Variants in NEDD4L observed in about 807,000 individuals in gnomAD.
NEDD4L encodes E3 ubiquitin-protein ligase NEDD4-like.
A neutral mutation model predicts 148.9 loss-of-function variants in NEDD4L; 54 were observed. The ratio of observed to expected loss-of-function variants is 0.36; its 90% CI spans 0.29 to 0.45. The LOEUF is 0.45. NEDD4L is among the 20% of genes least tolerant of loss of function. NEDD4L has a pLI of 1.00. For missense variants in NEDD4L, 856 were observed against 1,233.8 expected (o/e 0.69, Z 4.59); for synonymous variants, 433 against 440.7 (o/e 0.98, Z 0.22).
chr18:58,113,854 G>T (rs1371115423), intron 1 of NEDD4L, among the ~76,000 whole-genome samples: 1 of 152,056 alleles, frequency 6.6e-6, no homozygotes, highest in Non-Finnish European at 1.5e-5. Context: ...ATAGATGCAG[G>T]GGGACAAGTT....
At chr18:58,162,801 C>T (rs929862588) in intron 1 of NEDD4L, among the ~76,000 whole-genome samples, 3 of 151,760 alleles carry the variant, frequency 2.0e-5, no homozygotes, top group East Asian at 1.9e-4. Flanking sequence ...CAGTGGCTCA[C>T]GCCTGTAATC....
intron 13 of NEDD4L, among the ~76,000 whole-genome samples, chr18:58,340,335 C>T (rs193095043): frequency 5.9e-5 from 9 of 152,256 alleles, no homozygotes; most frequent in African/African-American, 1.9e-4. Flanking sequence ...GTCTCTAAAC[C>T]CAAAAACTGC....
At position 58,221,549 on chromosome 18, in the gene NEDD4L, C is replaced by T. The variant is rs1388303769; in HGVS notation, c.123-23878C>T. On this transcript the variant is annotated intron_variant, in intron 2 of 30. Transcript: ENST00000400345. ...TGAAGTGAATCATCAGTATAAGTAG[C>T]GAGCTGGGCGCATTCCTTCTCAGTT... is the stretch of plus-strand genomic sequence containing the variant. The T allele has an allele frequency of 1.0e-5, 10 of 985,218 alleles. No individual in the cohort carries two copies. In the South Asian group the frequency reaches 3.8e-4, roughly 37 times the overall value. The allele number at this position is 985,218 out of a possible 1,614,324, so 61.0% of individuals were successfully genotyped here. A position where few individuals can be genotyped will look rare whatever the true frequency, so the allele number is the denominator to read the frequency against.
At chr18:58,077,564 A>AT (rs1337966276) in intron 1 of NEDD4L, among the ~76,000 whole-genome samples, 1 of 151,980 alleles carries the variant, frequency 6.6e-6, no homozygotes, top group Non-Finnish European at 1.5e-5. Flanking sequence ...TTTTCCAGGG[A>AT]TTTTTTTCAA....
At position 58,293,517 on chromosome 18, in the gene NEDD4L, A is replaced by G. The variant is rs2055079183; in HGVS notation, c.298-22465A>G. Among the ~76,000 whole-genome samples the G allele has an allele frequency of 2.0e-5, 3 of 152,230 alleles. 1 individual carries two copies. Among genetic ancestry groups the G allele is most frequent in the Admixed American group, 2.0e-4 (3 of 15,284 alleles). The stretch of plus-strand genomic sequence containing the variant: ...AATTTTAATAACCCAGGTTGTGTAC[A>G]AGAAAGCTCTTGCTTCTGAAGAATC... On this transcript the variant is annotated intron_variant, in intron 5 of 30. Coordinates refer to ENST00000400345, the MANE Select transcript of NEDD4L (RefSeq NM_001144967.3).
intron 13 of NEDD4L, 64 bp downstream of exon 13, chr18:58,335,601 T>TATTCACCACTACACGAA: frequency 8.5e-7 from 1 of 1,173,444 alleles, no homozygotes; most frequent in South Asian, 1.2e-5. Flanking sequence ...ATATTTCGTG[T>TATTCACCACTACACGAA]AGTGGTGAAT....
At chr18:58,383,100 G>A in intron 24 of NEDD4L, 146 bp from the exon 25 acceptor site, 1 of 561,100 alleles carries the variant, frequency 1.8e-6, no homozygotes, top group Non-Finnish European at 3.2e-6. Flanking sequence ...AGCCTCATTG[G>A]ACATTCTCTT....
chr18:58,158,928 G>A (rs758032906), intron 1 of NEDD4L, among the ~76,000 whole-genome samples: 4 of 152,184 alleles, frequency 2.6e-5, no homozygotes, highest in Admixed American at 6.5e-5. Flanking sequence ...GAGAGAGAGA[G>A]AATGTGTCTG....
At chr18:58,090,003 CT>C (rs1429939874) in intron 1 of NEDD4L, among the ~76,000 whole-genome samples, 1 of 152,104 alleles carries the variant, frequency 6.6e-6, no homozygotes, top group East Asian at 1.9e-4. Flanking sequence ...CCACGCCCGG[CT>C]AATTTTTGTA....
intron 1 of NEDD4L, among the ~76,000 whole-genome samples, chr18:58,096,752 A>G (rs1368088176): frequency 1.3e-5 from 2 of 152,214 alleles, no homozygotes; most frequent in Non-Finnish European, 1.5e-5. Flanking sequence ...GAACATCAGT[A>G]AGTTCAGAAA....
At chr18:58,183,965 C>T (rs1359446291) in intron 2 of NEDD4L, among the ~76,000 whole-genome samples, 2 of 152,136 alleles carry the variant, frequency 1.3e-5, no homozygotes, top group Non-Finnish European at 2.9e-5. Context: ...GTCAGGAGAT[C>T]AAGGCCATCC....
intron 1 of NEDD4L, among the ~76,000 whole-genome samples, chr18:58,149,907 T>G (rs909112911): frequency 6.6e-6 from 1 of 152,216 alleles, no homozygotes; most frequent in Non-Finnish European, 1.5e-5. Context: ...TCTGTGAATA[T>G]TTCTCTTACA....
At chr18:58,379,583 G>A (rs1017450884) in intron 24 of NEDD4L, among the ~76,000 whole-genome samples, 4 of 152,268 alleles carry the variant, frequency 2.6e-5, no homozygotes, top group African/African-American at 7.2e-5. Context: ...TCAGATAGCC[G>A]CCTCTCCAAC....
At chr18:58,364,631 C>A (rs1402082513) in intron 20 of NEDD4L, among the ~76,000 whole-genome samples, 2 of 152,140 alleles carry the variant, frequency 1.3e-5, no homozygotes, top group Non-Finnish European at 2.9e-5. Context: ...GAACCCTAGT[C>A]ACAAAATCTG....
chr18:58,098,692 C>G (rs2084574705), intron 1 of NEDD4L, among the ~76,000 whole-genome samples: 1 of 152,150 alleles, frequency 6.6e-6, no homozygotes. Context: ...CTCACACTTT[C>G]CGGAATTATT....
chr18:58,383,143 T>C, intron 24 of NEDD4L, 103 bp from the exon 25 acceptor site: 1 of 683,376 alleles, frequency 1.5e-6, no homozygotes, highest in Non-Finnish European at 2.6e-6. Context: ...GAAATATTTC[T>C]GAATACATGT....
At chr18:58,245,976 G>A (rs201597989) in intron 3 of NEDD4L, among the ~76,000 whole-genome samples, 49 of 151,554 alleles carry the variant, frequency 3.2e-4, no homozygotes, top group African/African-American at 1.2e-3. Flanking sequence ...GGGATTACAG[G>A]TGTGAGCCAC....
intron 16 of NEDD4L, among the ~76,000 whole-genome samples, chr18:58,346,495 C>T (rs1601537662): frequency 1.3e-5 from 2 of 152,292 alleles, no homozygotes; most frequent in Middle Eastern, 3.4e-3. Context: ...AGATTACACC[C>T]TAGTTAAGTT....
At chr18:58,114,361 TAC>T (rs140008479) in intron 1 of NEDD4L, among the ~76,000 whole-genome samples, 11 of 150,832 alleles carry the variant, frequency 7.3e-5, no homozygotes, top group Non-Finnish European at 1.0e-4. Context: ...TATATATATA[TAC>T]ACACACACAC....
Sources: gnomAD v4.1 joint callset for allele counts (sites outside exome capture counted in the v4.1 genomes callset) on GRCh38, gnomAD v4.1.1 for gene constraint, MANE v1.5 for transcripts, NCBI Gene and HGNC (gene_info 2026-07-23, HGNC 2026-07-21) for gene names.